The following AMBN variants were observed in gnomAD, a reference collection of about 807,000 sequenced individuals.
AMBN encodes enamel matrix protein.
In AMBN, 54 loss-of-function variants were observed where a neutral mutation model predicts 48.0. That is an observed-to-expected ratio of 1.12 (90% CI 0.90 to 1.41). The LOEUF (loss-of-function observed/expected upper bound fraction) is 1.41. Among genes scored for constraint, AMBN ranks in the 40% most tolerant of loss-of-function variants. AMBN has a pLI of 0.00. For missense variants in AMBN, 571 were observed against 547.3 expected (o/e 1.04, Z -0.43); for synonymous variants, 186 against 190.0 (o/e 0.98, Z 0.17).
intron 5 of AMBN, among the ~76,000 whole-genome samples, chr4:70,600,803 G>A (rs1397788550): frequency 1.3e-5 from 2 of 152,302 alleles, no homozygotes; most frequent in Middle Eastern, 3.4e-3. Context: ...TCCACAGCAG[G>A]AGCATTACCA....
chr4:70,600,967 C>T (rs879565060), intron 5 of AMBN, among the ~76,000 whole-genome samples: 4 of 152,104 alleles, frequency 2.6e-5, no homozygotes, highest in Non-Finnish European at 5.9e-5. Context: ...ATATTAGGCA[C>T]CCACCATGGG....
At chr4:70,604,388 T>C (rs532996523) in intron 12 of AMBN, among the ~76,000 whole-genome samples, 31 of 152,324 alleles carry the variant, frequency 2.0e-4, no homozygotes, top group African/African-American at 7.5e-4. Flanking sequence ...TAAATGTCAA[T>C]GTGCATTGTC....
At position 70,602,936 on chromosome 4, in the gene AMBN, T is replaced by C. The variant is rs746426326; in HGVS notation, c.610-36T>C. ...TTGCATTTATCTATTTTGTTCCTTT[T>C]TTGACTGATAATTTTAATATTTATC... On this transcript the variant is annotated intron_variant, in intron 8 of 12. Transcript: ENST00000322937. 1.9e-6 allele frequency: 3 copies of C among 1,568,874 alleles called. No homozygotes were observed. In the African/African-American group the frequency reaches 4.1e-5, roughly 22 times the overall value.
At chr4:70,603,344 T>G in intron 10 of AMBN, 25 bp downstream of exon 10, 1 of 1,613,262 alleles carries the variant, frequency 6.2e-7, no homozygotes, top group Non-Finnish European at 8.5e-7. Context: ...ATACCACATC[T>G]CTGTTTGCAA....
chr4:70,600,326 T>G lies in AMBN; in HGVS notation c.294+680T>G, dbSNP rs1737489073. Among the ~76,000 whole-genome samples the G allele has an allele frequency of 1.3e-5, 2 of 150,656 alleles. 1 individual carries two copies. Among genetic ancestry groups the G allele is most frequent in the Admixed American group, 1.3e-4 (2 of 15,140 alleles). ...TCTGTCTCAAAAAAAATTAAGAAAT[T>G]TAAAAAAAAAAAACATCATGAACCC... On this transcript the variant is annotated intron_variant, in intron 5 of 12. Transcript: ENST00000322937.
rs1240477615 is a variant in AMBN, at chr4:70,603,897, C to T, written c.774C>T (p.Gly258=). 2 of 1,613,994 alleles carry T rather than the reference C, an allele frequency of 1.2e-6. No individual in the cohort carries two copies. The highest frequency in any genetic ancestry group is 2.2e-5 in the South Asian group (2 of 91,076). The part of the protein sequence containing the change: ...ANQLNAPARL[G]IMSSEEVAGG... ...AACAGAATGCCCCTGCCAGACTTGG[C>T]ATCATGAGTTCAGAAGAAGTGGCAG... Residue 258 remains glycine (G), a synonymous_variant, in exon 12 of 13, where the codon GGC becomes GGT. Coordinates refer to ENST00000322937, the MANE Select transcript of AMBN (RefSeq NM_016519.6).
intron 2 of AMBN, 120 bp from the exon 3 acceptor site, chr4:70,596,879 T>A: frequency 5.8e-6 from 4 of 692,514 alleles, no homozygotes; most frequent in Non-Finnish European, 9.5e-6. Context: ...ATTTGCATAA[T>A]AAACCAAAAT....
Position 70,598,408 on chromosome 4 carries a change from T to C in AMBN, c.183+5T>C. 1.3e-6 allele frequency: 2 copies of C among 1,584,206 alleles called. No homozygotes were observed. The highest frequency in any genetic ancestry group is 1.2e-5 in the South Asian group (1 of 85,552). The stretch of plus-strand genomic sequence containing the variant: ...AGATTAAACACACTTTCTCAGGTAA[T>C]CATATTTCTTATTGCAAGTATTCAT... On this transcript the variant is annotated splice_donor_5th_base_variant and intron_variant, in intron 4 of 12. Coordinates refer to ENST00000322937, the MANE Select transcript of AMBN (RefSeq NM_016519.6).
Position 70,606,988 on chromosome 4 carries a change from C to G in AMBN, c.*258C>G. The stretch of plus-strand genomic sequence containing the variant: ...AACATCAGAGCAAGGTTCTAAGGGT[C>G]TCAGCATTTGATCATCACTTTTTCT... On this transcript the variant is annotated 3_prime_UTR_variant, in exon 13 of 13. Transcript: ENST00000322937. The G allele has an allele frequency of 2.4e-6, 1 of 410,218 alleles. No individual in the cohort carries two copies. Among genetic ancestry groups the G allele is most frequent in the Non-Finnish European group, 4.3e-6 (1 of 231,140 alleles). The allele number at this position is 410,218 out of a possible 1,614,324, so 25.4% of individuals were successfully genotyped here.
chr4:70,598,644 C>T (rs967856878), intron 4 of AMBN, among the ~76,000 whole-genome samples: 6 of 146,284 alleles, frequency 4.1e-5, no homozygotes, highest in Non-Finnish European at 7.4e-5. Context: ...TTATGTGGCA[C>T]AAAACACAAG....
chr4:70,602,731 T>C, intron 7 of AMBN, 67 bp from the exon 8 acceptor site: 3 of 1,444,420 alleles, frequency 2.1e-6, no homozygotes, highest in South Asian at 2.6e-5. Context: ...CACTTTTTTA[T>C]TTTTATTTGT....
At chr4:70,602,699 T>A in intron 7 of AMBN, 37 bp downstream of exon 7, 1 of 1,535,250 alleles carries the variant, frequency 6.5e-7, no homozygotes, top group East Asian at 2.3e-5. Context: ...TTCTGTATTT[T>A]ATTTTTTAAT....
intron 5 of AMBN, among the ~76,000 whole-genome samples, chr4:70,600,725 G>T (rs1167298642): frequency 6.6e-6 from 1 of 152,214 alleles, no homozygotes; most frequent in South Asian, 2.1e-4. Context: ...TTTTAACGGG[G>T]AATTTTTTCG....
chr4:70,597,854 G>A (rs532755114), intron 3 of AMBN, among the ~76,000 whole-genome samples: 3 of 152,148 alleles, frequency 2.0e-5, no homozygotes, highest in African/African-American at 4.8e-5. Flanking sequence ...TAGCATTCTC[G>A]ATAATCTATC....
At chr4:70,594,900 T>A (rs1222881402) in intron 2 of AMBN, among the ~76,000 whole-genome samples, 1 of 152,240 alleles carries the variant, frequency 6.6e-6, no homozygotes, top group Admixed American at 6.5e-5. Context: ...TAATTCTGCA[T>A]GGGAAATGTA....
Position 70,606,437 on chromosome 4 carries a change from G to C in AMBN, c.1051G>C (p.Ala351Pro), listed in dbSNP as rs141401324. The change falls in exon 13 of 13, where the codon GCA becomes CCA. Residue 351 changes from alanine (A) to proline (P), a missense_variant. Ala to Pro is a conservative substitution (Grantham distance 27, BLOSUM62 -1). Transcript: ENST00000322937. ...FLTELEPAPH[A>P]GLLALPKDDI... ...TACAGAGCTAGAACCTGCTCCCCAC[G>C]CAGGGCTCCTTGCTCTCCCTAAGGA... 6.2e-7 allele frequency: 1 copy of C among 1,613,792 alleles called. No individual in the cohort carries two copies. Among genetic ancestry groups the C allele is most frequent in the African/African-American group, 1.3e-5 (1 of 74,902 alleles).
intron 1 of AMBN, among the ~76,000 whole-genome samples, chr4:70,593,115 A>G (rs1034832985): frequency 6.6e-6 from 1 of 152,190 alleles, no homozygotes; most frequent in African/African-American, 2.4e-5. Flanking sequence ...AAACGTGCTT[A>G]GATATTTTTT....
chr4:70,598,304 T>C (rs1737434612), intron 3 of AMBN, 52 bp from the exon 4 acceptor site: 4 of 1,296,006 alleles, frequency 3.1e-6, no homozygotes, highest in Non-Finnish European at 4.2e-6. Flanking sequence ...AAATCAGTTG[T>C]GTCAAACACA....
Position 70,599,614 on chromosome 4 carries a change from T to C in AMBN, c.262T>C (p.Trp88Arg). ...GLLPPHSSLP[W>R]MRPREHETQQ... The stretch of plus-strand genomic sequence containing the variant: ...CCTCCCACCACATTCCTCTCTTCCA[T>C]GGATGAGGCCAAGAGAACATGAAAC... Residue 88 changes from tryptophan (W) to arginine (R), a missense_variant, in exon 5 of 13, where the codon TGG (tryptophan) becomes CGG (arginine). Physicochemically the swap from Trp to Arg is moderately radical, Grantham distance 101 (BLOSUM62 -3). Coordinates refer to ENST00000322937, the MANE Select transcript of AMBN (RefSeq NM_016519.6). The C allele has an allele frequency of 6.2e-7, 1 of 1,613,384 alleles. No homozygotes were observed. The highest frequency in any genetic ancestry group is 8.5e-7 in the Non-Finnish European group (1 of 1,179,568).
Sources: gnomAD v4.1 joint callset for allele counts (sites outside exome capture counted in the v4.1 genomes callset) on GRCh38, gnomAD v4.1.1 for gene constraint, MANE v1.5 for transcripts, NCBI Gene and HGNC (gene_info 2026-07-23, HGNC 2026-07-21) for gene names.